Variants in PTPRD observed in about 807,000 individuals in gnomAD.
PTPRD encodes the protein protein tyrosine phosphatase receptor type D.
A neutral mutation model predicts 214.5 loss-of-function variants in PTPRD; 34 were observed. The ratio of observed to expected loss-of-function variants is 0.16; its 90% CI spans 0.12 to 0.21. The LOEUF (loss-of-function observed/expected upper bound fraction) is 0.21, where lower values mean the gene tolerates loss of function less well. Among genes scored for constraint, PTPRD ranks in the 10% least tolerant of loss-of-function variants. The pLI, the probability that PTPRD is intolerant of heterozygous loss-of-function variation, is 1.00. For synonymous variants in PTPRD, 1,128 were observed against 845.7 expected (o/e 1.33, Z -5.79); for missense variants, 2,545 against 2,398.7 (o/e 1.06, Z -1.27).
At chr9:9,626,850 A>G (rs1411856956) in intron 7 of PTPRD, among the ~76,000 whole-genome samples, 2 of 152,220 alleles carry the variant, frequency 1.3e-5, no homozygotes, top group African/African-American at 2.4e-5. Flanking sequence ...TCTCACCAAC[A>G]TAACAGACCT....
At chr9:9,355,277 G>C (rs548563432) in intron 9 of PTPRD, among the ~76,000 whole-genome samples, 1 of 151,640 alleles carries the variant, frequency 6.6e-6, no homozygotes, top group East Asian at 1.9e-4. Flanking sequence ...TAAAAGATGA[G>C]AATGAATTAT....
chr9:9,191,265 T>C (rs1472163164), intron 9 of PTPRD, among the ~76,000 whole-genome samples: 1 of 152,120 alleles, frequency 6.6e-6, no homozygotes, highest in Non-Finnish European at 1.5e-5. Flanking sequence ...CAGAGACTAC[T>C]GAAGGCTTGT....
chr9:9,154,767 G>C (rs7859134), intron 10 of PTPRD, among the ~76,000 whole-genome samples: 47,348 of 151,732 alleles, frequency 0.31, 7,600 homozygotes, highest in Middle Eastern at 0.37. Flanking sequence ...GTGTAATCTG[G>C]TGTAGGCAAT....
rs1034255045 is a variant in PTPRD, at chr9:9,757,868, C to A, written c.-326+8942G>T. On this transcript the variant is annotated intron_variant, in intron 6 of 45. Transcript: ENST00000381196. ...GACTCTGCTAATTTTTACCAGCCTG[C>A]CATTATTGACTTCACTTCCTTCTTT... is the stretch of plus-strand genomic sequence containing the variant. Among the ~76,000 whole-genome samples, 6 of 152,156 alleles carry A rather than the reference C, an allele frequency of 3.9e-5. No homozygotes were observed. The East Asian group carries it at 1.2e-3, about 29-fold the overall frequency.
chr9:9,404,835 C>G (rs1017811014), intron 8 of PTPRD, among the ~76,000 whole-genome samples: 1 of 151,996 alleles, frequency 6.6e-6, no homozygotes, highest in Non-Finnish European at 1.5e-5. Flanking sequence ...AGAGTGGGAA[C>G]TGAAGACATG....
At chr9:9,122,505 G>C (rs2154465012) in intron 10 of PTPRD, among the ~76,000 whole-genome samples, 1 of 152,092 alleles carries the variant, frequency 6.6e-6, no homozygotes, top group Admixed American at 6.5e-5. Flanking sequence ...TTCCTTTTTA[G>C]TCAGATCTCC....
chr9:8,476,022 C>T (rs576360264), intron 30 of PTPRD, among the ~76,000 whole-genome samples: 1 of 152,274 alleles, frequency 6.6e-6, no homozygotes, highest in East Asian at 1.9e-4. Flanking sequence ...TATCAGAAGG[C>T]CAGCAGGATC....
At chr9:9,400,413 A>G (rs16929291) in intron 8 of PTPRD, among the ~76,000 whole-genome samples, 2,244 of 139,506 alleles carry the variant, frequency 0.016, 53 homozygotes, top group African/African-American at 0.058. Context: ...ACATGATTGA[A>G]AACACCAGAT....
At chr9:10,213,451 C>T (rs916561464) in intron 3 of PTPRD, among the ~76,000 whole-genome samples, 2 of 152,060 alleles carry the variant, frequency 1.3e-5, no homozygotes, top group African/African-American at 2.4e-5. Flanking sequence ...CACTATCTGT[C>T]AGGTGGATGC....
At chr9:8,816,051 A>G (rs1056353921) in intron 11 of PTPRD, among the ~76,000 whole-genome samples, 9 of 152,210 alleles carry the variant, frequency 5.9e-5, no homozygotes, top group African/African-American at 2.2e-4. Context: ...CAGCAATTCC[A>G]GAATACCAAA....
chr9:10,489,089 TAA>T (rs1452830499), intron 2 of PTPRD, among the ~76,000 whole-genome samples: 2 of 152,126 alleles, frequency 1.3e-5, no homozygotes, highest in Non-Finnish European at 2.9e-5. Context: ...CCAGCAAGTC[TAA>T]GAGTCTCACC....
Position 9,727,696 on chromosome 9 carries a change from T to C in PTPRD, c.-287+6837A>G, listed in dbSNP as rs1255820253. Reference sequence around the variant, plus strand: ...TTGCTTAATGCCAAAGAAACATGTTTAAACACTGGTAGTCCTTCTGAAATG... The same window carrying C: ...TTGCTTAATGCCAAAGAAACATGTTCAAACACTGGTAGTCCTTCTGAAATG... On this transcript the variant is annotated intron_variant, in intron 7 of 45. Transcript: ENST00000381196. Among the ~76,000 whole-genome samples the C allele has an allele frequency of 3.9e-5, 6 of 152,152 alleles. No homozygotes were observed. In the East Asian group the frequency reaches 1.2e-3, roughly 29 times the overall value.
At chr9:9,225,522 C>G (rs1379117618) in intron 9 of PTPRD, among the ~76,000 whole-genome samples, 3 of 152,070 alleles carry the variant, frequency 2.0e-5, no homozygotes, top group African/African-American at 7.2e-5. Context: ...ACAAATCTAT[C>G]TATGCAGAAC....
At chr9:8,838,725 A>T (rs191022463) in intron 11 of PTPRD, among the ~76,000 whole-genome samples, 1 of 152,154 alleles carries the variant, frequency 6.6e-6, no homozygotes, top group East Asian at 1.9e-4. Context: ...GATAAAAATA[A>T]ATATAATGAT....
chr9:10,146,574 T>C (rs1471056877), intron 3 of PTPRD, among the ~76,000 whole-genome samples: 1 of 152,074 alleles, frequency 6.6e-6, no homozygotes, highest in Non-Finnish European at 1.5e-5. Flanking sequence ...CCCTAGAAAA[T>C]AAATAGTCTT....
At chr9:8,999,711 A>T (rs182729375) in intron 11 of PTPRD, among the ~76,000 whole-genome samples, 1 of 152,086 alleles carries the variant, frequency 6.6e-6, no homozygotes, top group East Asian at 1.9e-4. Context: ...AGTCCTTTGT[A>T]ACTGATATTG....
intron 7 of PTPRD, among the ~76,000 whole-genome samples, chr9:9,672,573 A>T (rs2096851914): frequency 6.6e-6 from 1 of 152,138 alleles, no homozygotes; most frequent in South Asian, 2.1e-4. Flanking sequence ...ATTTAACCTT[A>T]AAGCTCATGA....
At chr9:10,163,171 A>T (rs2099139548) in intron 3 of PTPRD, among the ~76,000 whole-genome samples, 1 of 151,268 alleles carries the variant, frequency 6.6e-6, no homozygotes, top group African/African-American at 2.4e-5. Flanking sequence ...TGATTATCCT[A>T]ATTAAAAAAT....
intron 5 of PTPRD, among the ~76,000 whole-genome samples, chr9:9,917,245 A>G (rs1174524904): frequency 6.7e-6 from 1 of 149,082 alleles, no homozygotes; most frequent in Non-Finnish European, 1.5e-5. Flanking sequence ...TTAAAAATCC[A>G]CAAAACAAAA....
Sources: allele counts gnomAD v4.1 joint callset (sites outside exome capture counted in the v4.1 genomes callset), GRCh38; gene constraint gnomAD v4.1.1; transcripts MANE v1.5; gene names NCBI Gene and HGNC (gene_info 2026-07-23, HGNC 2026-07-21).